The following ADAM28 variants were observed in gnomAD, a reference collection of about 807,000 sequenced individuals.
ADAM28 encodes the protein ADAM metallopeptidase domain 28.
A neutral mutation model predicts 101.2 loss-of-function variants in ADAM28; 105 were observed. That is an observed-to-expected ratio of 1.04 (90% CI 0.89 to 1.22). The LOEUF (loss-of-function observed/expected upper bound fraction) is 1.22. Ranked by LOEUF, ADAM28 falls within the 50% of genes most tolerant of loss-of-function variation. The pLI is 0.00. For synonymous variants in ADAM28, 322 were observed against 310.6 expected, an observed-to-expected ratio of 1.04 and a Z score of -0.39; for missense variants, 1,028 against 945.4, an observed-to-expected ratio of 1.09 and a Z score of -1.15.
Position 24,323,899 on chromosome 8 carries a change from G to C in ADAM28, c.786G>C (p.Lys262Asn). The change falls in exon 9 of 23, where the codon AAG becomes AAC. Residue 262 changes from lysine (K) to asparagine (N), a missense_variant. Physicochemically the swap from Lys to Asn is moderately conservative, Grantham distance 94 (BLOSUM62 0). Transcript: ENST00000265769. ...TGGAAATCTGGACTGACAAGGATAA[G>C]ATAAAGATAACCCCAAATGCAAGCT... ...VGMEIWTDKD[K>N]IKITPNASFT... The C allele has an allele frequency of 1.2e-6, 2 of 1,612,274 alleles. No individual in the cohort carries two copies. The highest frequency in any genetic ancestry group is 1.7e-5 in the Admixed American group (1 of 59,810).
At position 24,354,426 on chromosome 8, in the gene ADAM28, A is replaced by G. The variant is rs1373078970; in HGVS notation, c.*22A>G. On this transcript the variant is annotated 3_prime_UTR_variant, in exon 23 of 23. Transcript: ENST00000265769. ...ATGAAGCAACAGCTAAGCAAGAACT[A>G]ATGGCTAAATTATCAACTTGGAAAA... The G allele has an allele frequency of 1.9e-6, 3 of 1,601,506 alleles. No homozygotes were observed. Among genetic ancestry groups the G allele is most frequent in the African/African-American group, 2.7e-5 (2 of 74,384 alleles).
chr8:24,323,888 G>T lies in ADAM28; in HGVS notation c.775G>T (p.Asp259Tyr). Residue 259 changes from aspartate to tyrosine, a missense_variant, in exon 9 of 23, where the codon GAC (aspartate) becomes TAC (tyrosine). Physicochemically the swap from Asp to Tyr is radical, Grantham distance 160 (BLOSUM62 -3). Coordinates refer to ENST00000265769, the MANE Select transcript of ADAM28 (RefSeq NM_014265.6). ...CTTAGTTGGTATGGAAATCTGGACT[G>T]ACAAGGATAAGATAAAGATAACCCC... is the stretch of plus-strand genomic sequence containing the variant. ...VALVGMEIWT[D>Y]KDKIKITPNA... 1 of 1,612,210 alleles carries T rather than the reference G, an allele frequency of 6.2e-7. No homozygotes were observed. The highest frequency in any genetic ancestry group is 8.5e-7 in the Non-Finnish European group (1 of 1,178,828).
chr8:24,343,040 C>G, intron 16 of ADAM28, 61 bp from the exon 17 acceptor site: 1 of 1,609,880 alleles, frequency 6.2e-7, no homozygotes, highest in Non-Finnish European at 8.5e-7. Context: ...TCACACAGAC[C>G]TCAACTTTCT....
rs1216692037 is a variant in ADAM28 at position 24,313,417 on chromosome 8, A to T, written c.413A>T (p.Tyr138Phe). The T allele has an allele frequency of 6.2e-7, 1 of 1,612,332 alleles. No individual in the cohort carries two copies. Among genetic ancestry groups the T allele is most frequent in the Admixed American group, 1.7e-5 (1 of 59,714 alleles). ...RGYFSQGDQR[Y>F]FIEPLSPIHR... is the part of the protein sequence containing the mutation. ...TACTTCAGTCAGGGGGATCAAAGAT[A>T]CTTTATTGAACCTTTAAGCCCCATA... Residue 138 changes from tyrosine (Y) to phenylalanine (F), a missense_variant, in exon 6 of 23, where the codon TAC becomes TTC. By Grantham distance (22) the Tyr-to-Phe change is conservative (BLOSUM62 3). Transcript: ENST00000265769.
intron 6 of ADAM28, among the ~76,000 whole-genome samples, chr8:24,317,656 T>C (rs988472952): frequency 3.3e-5 from 5 of 151,862 alleles, no homozygotes; most frequent in Non-Finnish European, 7.4e-5. Context: ...ACCTAAAAGC[T>C]AAGGTTATAA....
Position 24,357,156 on chromosome 8 carries a change from G to C in ADAM28, c.*2752G>C, listed in dbSNP as rs1360454848. On this transcript the variant is annotated 3_prime_UTR_variant, in exon 23 of 23. Coordinates refer to ENST00000265769, the MANE Select transcript of ADAM28 (RefSeq NM_014265.6). ...TTAGATTCCTTCCCAGCTGAATCTT[G>C]ACTTCAGCCTTGTGAGACACCCTGA... The C allele has an allele frequency of 6.6e-6, 1 of 152,120 alleles. No homozygotes were observed. Among genetic ancestry groups the C allele is most frequent in the Non-Finnish European group, 1.5e-5 (1 of 68,026 alleles). 9.4% of individuals were successfully genotyped at this position (152,120 alleles called of 1,614,324 possible).
At chr8:24,336,550 A>G (rs967042311) in intron 14 of ADAM28, among the ~76,000 whole-genome samples, 33 of 147,258 alleles carry the variant, frequency 2.2e-4, no homozygotes, top group African/African-American at 8.0e-4. Flanking sequence ...ACTGCACTCC[A>G]GCCTGGGTGA....
Position 24,335,317 on chromosome 8 carries a change from C to T in ADAM28, c.1372-129C>T, listed in dbSNP as rs1305044436. On this transcript the variant is annotated intron_variant, in intron 13 of 22. Coordinates refer to ENST00000265769, the MANE Select transcript of ADAM28 (RefSeq NM_014265.6). ...TGGCTTTAATTTATGACAATGTAAG[C>T]TTCAGTGAAATGACACCTCCAACTA... is the stretch of plus-strand genomic sequence containing the variant. 16 of 1,399,990 alleles carry T rather than the reference C, an allele frequency of 1.1e-5. No individual in the cohort carries two copies. In the East Asian group the frequency reaches 4.1e-4, roughly 36 times the overall value. The allele number at this position is 1,399,990 out of a possible 1,614,324, so 86.7% of individuals were successfully genotyped here. A position where few individuals can be genotyped will look rare whatever the true frequency, so the allele number is the denominator to read the frequency against.
chr8:24,333,146 G>A (rs1813580440), intron 13 of ADAM28, among the ~76,000 whole-genome samples: 1 of 152,182 alleles, frequency 6.6e-6, no homozygotes, highest in African/African-American at 2.4e-5. Flanking sequence ...GAGTAGAATG[G>A]TGTTTACCAA....
intron 1 of ADAM28, among the ~76,000 whole-genome samples, chr8:24,297,504 CT>C (rs1808128013): frequency 6.6e-6 from 1 of 152,156 alleles, no homozygotes; most frequent in African/African-American, 2.4e-5. Context: ...ACGAAGGCAG[CT>C]TGGACTACTA....
chr8:24,332,611 G>T, intron 12 of ADAM28, 49 bp from the exon 13 acceptor site: 2 of 1,137,440 alleles, frequency 1.8e-6, no homozygotes, highest in African/African-American at 1.6e-5. Flanking sequence ...GTGCTGAACT[G>T]GGACCAAAAA....
intron 8 of ADAM28, among the ~76,000 whole-genome samples, chr8:24,322,201 A>C (rs932910915): frequency 6.6e-6 from 1 of 152,012 alleles, no homozygotes; most frequent in African/African-American, 2.4e-5. Flanking sequence ...GAATTATTGG[A>C]ATAATCTTGA....
chr8:24,353,723 A>G (rs1816440248), intron 21 of ADAM28, 47 bp from the exon 22 acceptor site: 3 of 1,157,090 alleles, frequency 2.6e-6, no homozygotes, highest in Non-Finnish European at 3.9e-6. Context: ...AGATGGGACA[A>G]GCATAGCATT....
At chr8:24,321,369 G>A in intron 8 of ADAM28, 80 bp downstream of exon 8, 1 of 1,170,274 alleles carries the variant, frequency 8.5e-7, no homozygotes, top group Non-Finnish European at 1.3e-6. Context: ...CGCACATGAA[G>A]CATGGAAGCA....
Position 24,336,413 on chromosome 8 carries a change from C to T in ADAM28, c.1567+772C>T, listed in dbSNP as rs558489239. ...CCTGGCTAACACGGTGAAACCCCGTCTCTACTAAAAATACAAAAAATTAGC... is the reference window on the plus strand; with the variant it reads ...CCTGGCTAACACGGTGAAACCCCGTTTCTACTAAAAATACAAAAAATTAGC... On this transcript the variant is annotated intron_variant, in intron 14 of 22. Transcript: ENST00000265769. Among the ~76,000 whole-genome samples, 4 of 151,406 alleles carry T rather than the reference C, an allele frequency of 2.6e-5. No individual in the cohort carries two copies. The East Asian group carries it at 7.8e-4, about 30-fold the overall frequency.
At chr8:24,350,190 C>T (rs1202711826) in intron 19 of ADAM28, among the ~76,000 whole-genome samples, 4 of 151,890 alleles carry the variant, frequency 2.6e-5, no homozygotes, top group Admixed American at 1.3e-4. Context: ...TGTTAGTCAC[C>T]GTAGTTATAA....
chr8:24,322,925 G>C (rs911573407), intron 8 of ADAM28, among the ~76,000 whole-genome samples: 2 of 151,868 alleles, frequency 1.3e-5, no homozygotes, highest in Admixed American at 6.6e-5. Flanking sequence ...TGTTTCATAA[G>C]TTTAAGTCAT....
At chr8:24,335,998 C>CCTACTAAG (rs1272012739) in intron 14 of ADAM28, 1 of 1,026,754 alleles carries the variant, frequency 9.7e-7, no homozygotes, top group Admixed American at 5.4e-5. Flanking sequence ...ATCTGGCAAC[C>CCTACTAAG]CTACTAAGAT....
intron 22 of ADAM28, 68 bp from the exon 23 acceptor site, chr8:24,354,316 A>G: frequency 7.6e-7 from 1 of 1,322,530 alleles, no homozygotes. Flanking sequence ...TTCATAGTTC[A>G]GCTTCATAAT....
Sources: gnomAD v4.1 joint callset for allele counts (sites outside exome capture counted in the v4.1 genomes callset) on GRCh38, gnomAD v4.1.1 for gene constraint, MANE v1.5 for transcripts, NCBI Gene and HGNC (gene_info 2026-07-23, HGNC 2026-07-21) for gene names.